FAM193A: variants seen among roughly 807,000 people sequenced by gnomAD.
FAM193A encodes protein FAM193A.
FAM193A carries 22 observed loss-of-function variants against 126.5 expected under a neutral mutation model. The observed-to-expected ratio is 0.17, with a 90% CI of 0.12 to 0.25. FAM193A has a LOEUF of 0.25. Among genes scored for constraint, FAM193A ranks in the 10% least tolerant of loss-of-function variants. The pLI is 1.00. For missense variants in FAM193A, 1,675 were observed against 1,672.8 expected (o/e 1.00, Z -0.02); for synonymous variants, 761 against 646.8 (o/e 1.18, Z -2.68).
intron 19 of FAM193A, among the ~76,000 whole-genome samples, chr4:2,710,281 T>G (rs1718797138): frequency 6.7e-6 from 1 of 150,276 alleles, no homozygotes; most frequent in South Asian, 2.1e-4. Flanking sequence ...TTCAAGCTAT[T>G]CTCCTGCCTC....
At position 2,626,592 on chromosome 4, in the gene FAM193A, T is replaced by A; in HGVS notation, c.803+15T>A. ...CTCGTGGATAGGTACATACTGCCCT[T>A]TCCTGTTGTGGCCCCATGCAAACCC... On this transcript the variant is annotated intron_variant, in intron 4 of 20. Transcript: ENST00000637812. 1.5e-6 allele frequency: 1 copy of A among 683,920 alleles called. No homozygotes were observed. The highest frequency in any genetic ancestry group is 2.7e-6 in the Non-Finnish European group (1 of 370,364). The allele number at this position is 683,920 out of a possible 1,614,324, so 42.4% of individuals were successfully genotyped here.
chr4:2,647,504 T>G (rs563886483), intron 7 of FAM193A, among the ~76,000 whole-genome samples: 1 of 152,218 alleles, frequency 6.6e-6, no homozygotes, highest in Admixed American at 6.5e-5. Flanking sequence ...TGTTGAGAGC[T>G]CATTGTCCAT....
At chr4:2,538,900 T>A (rs1053974535) in intron 1 of FAM193A, among the ~76,000 whole-genome samples, 2 of 137,040 alleles carry the variant, frequency 1.5e-5, no homozygotes, top group Non-Finnish European at 3.2e-5. Flanking sequence ...TTTTTATTTA[T>A]TTTTTTTTGA....
At chr4:2,674,131 G>C (rs1714132718) in intron 13 of FAM193A, among the ~76,000 whole-genome samples, 1 of 152,190 alleles carries the variant, frequency 6.6e-6, no homozygotes, top group African/African-American at 2.4e-5. Context: ...TTTAAAATAT[G>C]TGGTGGCCAT....
intron 1 of FAM193A, among the ~76,000 whole-genome samples, chr4:2,576,532 C>T (rs561068977): frequency 2.6e-5 from 4 of 152,172 alleles, no homozygotes; most frequent in Non-Finnish European, 4.4e-5. Flanking sequence ...CTGTGAATAG[C>T]CACTGCACCC....
At chr4:2,664,167 C>T (rs928199096) in intron 12 of FAM193A, among the ~76,000 whole-genome samples, 6 of 152,064 alleles carry the variant, frequency 3.9e-5, no homozygotes, top group Non-Finnish European at 8.8e-5. Flanking sequence ...TTTTTGATGT[C>T]TTATCCAAGA....
intron 2 of FAM193A, chr4:2,608,127 A>G: frequency 1.2e-6 from 2 of 1,603,414 alleles, no homozygotes; most frequent in Admixed American, 1.7e-5. Context: ...ATCTCCTTGT[A>G]GATTGATCTT....
intron 6 of FAM193A, among the ~76,000 whole-genome samples, chr4:2,640,702 GC>G (rs1451482046): frequency 6.6e-6 from 1 of 152,152 alleles, no homozygotes; most frequent in Non-Finnish European, 1.5e-5. Context: ...GGTGGCTCAC[GC>G]CTGTAATTCC....
chr4:2,578,469 A>C (rs1413198881), intron 1 of FAM193A, among the ~76,000 whole-genome samples: 1 of 151,482 alleles, frequency 6.6e-6, no homozygotes, highest in Non-Finnish European at 1.5e-5. Flanking sequence ...TTCCCCCCTC[A>C]ATCTTCCATT....
chr4:2,731,506 C>G (rs232724), intron 20 of FAM193A, among the ~76,000 whole-genome samples: 10,575 of 151,984 alleles, frequency 0.07, 1,229 homozygotes, highest in African/African-American at 0.24. Context: ...AATTTAAGGG[C>G]GCTCACAGCT....
Position 2,690,751 on chromosome 4 carries a change from C to T in FAM193A, c.2584C>T (p.Pro862Ser), listed in dbSNP as rs774644793. Residue 862 changes from proline (P) to serine (S), a missense_variant, in exon 15 of 21, where the codon CCT (proline) becomes TCT (serine). Physicochemically the swap from Pro to Ser is moderately conservative, Grantham distance 74 (BLOSUM62 -1). Transcript: ENST00000637812. ...LSETRPEALP[P>S]PSSNETPAVS... ...AGAAACAAGACCGGAAGCCCTTCCA[C>T]CTCCATCTAGCAATGAAACACCTGC... The T allele has an allele frequency of 6.2e-7, 1 of 1,614,006 alleles. No homozygotes were observed. The highest frequency in any genetic ancestry group is 1.1e-5 in the South Asian group (1 of 91,078).
rs371359309 is a variant in FAM193A, at chr4:2,731,895, C to A, written c.*27C>A. 4.8e-5 allele frequency: 74 copies of A among 1,553,354 alleles called. No individual in the cohort carries two copies. The South Asian group carries it at 8.2e-4, about 17-fold the overall frequency. ...TGAGGACTCCCTGGAGAGGGACACGCGAGAGGCAGGCCAGGCTGCACCACC... is the reference window on the plus strand; with the variant it reads ...TGAGGACTCCCTGGAGAGGGACACGAGAGAGGCAGGCCAGGCTGCACCACC... On this transcript the variant is annotated 3_prime_UTR_variant, in exon 21 of 21. Coordinates refer to ENST00000637812, the MANE Select transcript of FAM193A (RefSeq NM_001366318.2).
chr4:2,725,582 G>A (rs148313417), intron 20 of FAM193A, among the ~76,000 whole-genome samples: 1 of 151,284 alleles, frequency 6.6e-6, no homozygotes, highest in Non-Finnish European at 1.5e-5. Context: ...ACTCTAGATA[G>A]AGTGTGGCCA....
chr4:2,657,781 GT>G, intron 7 of FAM193A, 21 bp from the exon 8 acceptor site: 2 of 1,549,514 alleles, frequency 1.3e-6, no homozygotes, highest in Admixed American at 2.1e-5. Context: ...TTTTTTTTCT[GT>G]TTTTTACATC....
chr4:2,664,719 A>G (rs1193697515), intron 12 of FAM193A, among the ~76,000 whole-genome samples: 1 of 151,642 alleles, frequency 6.6e-6, no homozygotes, highest in Non-Finnish European at 1.5e-5. Context: ...GCACGCCACC[A>G]CGCCCGGCTA....
chr4:2,720,254 A>G (rs1417785496), intron 20 of FAM193A, among the ~76,000 whole-genome samples: 1 of 152,220 alleles, frequency 6.6e-6, no homozygotes, highest in Non-Finnish European at 1.5e-5. Flanking sequence ...GAGGAACTAA[A>G]AATCAATTTT....
intron 7 of FAM193A, among the ~76,000 whole-genome samples, chr4:2,655,618 T>C (rs1184768999): frequency 6.6e-6 from 1 of 152,004 alleles, no homozygotes; most frequent in Non-Finnish European, 1.5e-5. Flanking sequence ...GCTAGGACCA[T>C]AGGCACATGC....
chr4:2,646,498 C>G (rs1296969262), intron 6 of FAM193A, among the ~76,000 whole-genome samples, 187 bp from the exon 7 acceptor site: 2 of 152,142 alleles, frequency 1.3e-5, no homozygotes, highest in Non-Finnish European at 2.9e-5. Context: ...CAAGTCTGTC[C>G]TGGGTGCCTT....
At chr4:2,630,518 C>T (rs1280255855) in intron 4 of FAM193A, among the ~76,000 whole-genome samples, 1 of 152,130 alleles carries the variant, frequency 6.6e-6, no homozygotes, top group Admixed American at 6.5e-5. Context: ...AAAGAGTTGT[C>T]CCCAGCCTCG....
Sources: allele counts gnomAD v4.1 joint callset (sites outside exome capture counted in the v4.1 genomes callset), GRCh38; gene constraint gnomAD v4.1.1; transcripts MANE v1.5; gene names NCBI Gene and HGNC (gene_info 2026-07-23, HGNC 2026-07-21).